SLC8A3: variants seen among roughly 807,000 people sequenced by gnomAD.
SLC8A3 encodes solute carrier family 8 member A3, also known as sodium/calcium exchanger 3.
A neutral mutation model predicts 65.4 loss-of-function variants in SLC8A3; 37 were observed. That is an observed-to-expected ratio of 0.57 (90% confidence interval 0.44 to 0.74). SLC8A3 has a LOEUF of 0.74. SLC8A3 is among the 30% of genes least tolerant of loss of function. The pLI, the probability that SLC8A3 is intolerant of heterozygous loss-of-function variation, is 0.00. For synonymous variants in SLC8A3, 461 were observed against 444.5 expected, an observed-to-expected ratio of 1.04 and a Z score of -0.47; for missense variants, 1,112 against 1,172.1, an observed-to-expected ratio of 0.95 and a Z score of 0.75.
intron 1 of SLC8A3, among the ~76,000 whole-genome samples, chr14:70,169,108 C>A (rs547376154): frequency 1.3e-5 from 2 of 152,300 alleles, no homozygotes; most frequent in Admixed American, 1.3e-4. Flanking sequence ...TTGCACTCCC[C>A]ACTCTTAATA....
chr14:70,110,038 A>AT lies in SLC8A3; in HGVS notation c.1785-49100dup, dbSNP rs538601058. ...CTACTTTTGTTCTTTTATTTTCTTA[A>AT]TTTTTTTTTTTACTTTTAATTTTTG... is the stretch of plus-strand genomic sequence containing the variant. On this transcript the variant is annotated intron_variant, in intron 2 of 6. Transcript: ENST00000356921. Among the ~76,000 whole-genome samples, 86 of 147,906 alleles carry AT rather than the reference A, an allele frequency of 5.8e-4. 1 individual carries two copies. The highest frequency in any genetic ancestry group is 5.9e-4 in the East Asian group (3 of 5,064).
At chr14:70,151,129 C>T (rs1896245431) in intron 2 of SLC8A3, among the ~76,000 whole-genome samples, 1 of 152,028 alleles carries the variant, frequency 6.6e-6, no homozygotes, top group Admixed American at 6.6e-5. Context: ...TGGCAGGTGC[C>T]TGTAATCCCA....
chr14:70,185,415 G>A (rs1883118706), intron 1 of SLC8A3, among the ~76,000 whole-genome samples: 2 of 152,242 alleles, frequency 1.3e-5, no homozygotes, highest in Non-Finnish European at 2.9e-5. Context: ...ATCAACAACT[G>A]TGCCCAGAGA....
At chr14:70,065,430 C>T (rs1594921194) in intron 2 of SLC8A3, among the ~76,000 whole-genome samples, 1 of 152,152 alleles carries the variant, frequency 6.6e-6, no homozygotes. Context: ...TGGCTGGCTA[C>T]CGTAGAAAGC....
intron 2 of SLC8A3, among the ~76,000 whole-genome samples, chr14:70,133,555 G>T (rs1024629234): frequency 1.3e-5 from 2 of 152,170 alleles, no homozygotes; most frequent in Admixed American, 1.3e-4. Context: ...TTCCGTGCAC[G>T]GACCACAGCA....
chr14:70,186,569 C>A (rs1360991549), intron 1 of SLC8A3, among the ~76,000 whole-genome samples: 1 of 152,170 alleles, frequency 6.6e-6, no homozygotes, highest in African/African-American at 2.4e-5. Flanking sequence ...CCACTTCAAC[C>A]AAGTTCAGTT....
intron 2 of SLC8A3, among the ~76,000 whole-genome samples, chr14:70,105,716 A>T (rs919261241): frequency 6.6e-6 from 1 of 152,326 alleles, no homozygotes; most frequent in Non-Finnish European, 1.5e-5. Context: ...TAAAGGTGAA[A>T]ATACTTCTTG....
intron 2 of SLC8A3, among the ~76,000 whole-genome samples, chr14:70,120,464 A>T (rs1234490018): frequency 6.6e-6 from 1 of 152,228 alleles, no homozygotes; most frequent in Non-Finnish European, 1.5e-5. Context: ...GAGGGCAAAG[A>T]GGCAGAGTCT....
intron 2 of SLC8A3, among the ~76,000 whole-genome samples, chr14:70,107,708 G>A (rs1892971372): frequency 6.6e-6 from 1 of 152,080 alleles, no homozygotes; most frequent in Non-Finnish European, 1.5e-5. Flanking sequence ...CAGAACCAAA[G>A]CTTTCCTTTC....
Position 70,054,243 on chromosome 14 carries a change from C to T in SLC8A3, c.1889-2129G>A, listed in dbSNP as rs376988259. 5.3e-5 allele frequency among the ~76,000 whole-genome samples: 8 copies of T among 151,114 alleles called. No individual in the cohort carries two copies. The East Asian group carries it at 1.2e-3, about 22-fold the overall frequency. Reference sequence around the variant, plus strand: ...TGTAGCTAGTGCTCTTCCTGCAAGGCGCCTGAGCTTGGGGGTGGGGGGGTG... The same window carrying T: ...TGTAGCTAGTGCTCTTCCTGCAAGGTGCCTGAGCTTGGGGGTGGGGGGGTG... On this transcript the variant is annotated intron_variant, in intron 3 of 6. Transcript: ENST00000356921.
chr14:70,093,224 C>T (rs527887274), intron 2 of SLC8A3, among the ~76,000 whole-genome samples: 1 of 152,286 alleles, frequency 6.6e-6, no homozygotes, highest in East Asian at 1.9e-4. Flanking sequence ...TCTTATCTAA[C>T]CAAGAATGAT....
intron 2 of SLC8A3, among the ~76,000 whole-genome samples, chr14:70,112,072 C>T (rs952310810): frequency 1.3e-5 from 2 of 152,216 alleles, no homozygotes; most frequent in Admixed American, 6.5e-5. Flanking sequence ...CAACTCAGAC[C>T]TCAAGCAGTA....
chr14:70,063,829 G>T, intron 2 of SLC8A3: 1 of 1,589,662 alleles, frequency 6.3e-7, no homozygotes, highest in Non-Finnish European at 8.6e-7. Flanking sequence ...ACACCTTTCT[G>T]AAAACTCATA....
chr14:70,159,856 C>T (rs938891783), intron 2 of SLC8A3, among the ~76,000 whole-genome samples: 1 of 152,204 alleles, frequency 6.6e-6, no homozygotes, highest in Non-Finnish European at 1.5e-5. Flanking sequence ...ATGTGATCAT[C>T]TCCAACCACA....
chr14:70,169,690 G>GT (rs1566829543), intron 1 of SLC8A3, among the ~76,000 whole-genome samples: 5 of 16,926 alleles, frequency 3.0e-4, no homozygotes, highest in East Asian at 0.011. Flanking sequence ...AAAAAAAAAA[G>GT]TGGGGGGGGG....
intron 1 of SLC8A3, among the ~76,000 whole-genome samples, chr14:70,182,905 T>C (rs1348084308): frequency 6.6e-6 from 1 of 152,184 alleles, no homozygotes; most frequent in African/African-American, 2.4e-5. Context: ...CTGGGCACTG[T>C]GCAGGAAATG....
chr14:70,069,453 G>A (rs1347233177), intron 2 of SLC8A3, among the ~76,000 whole-genome samples: 3 of 152,144 alleles, frequency 2.0e-5, no homozygotes, highest in South Asian at 2.1e-4. Context: ...TTGCTGCTCC[G>A]GGTCAGCTAA....
intron 2 of SLC8A3, among the ~76,000 whole-genome samples, chr14:70,109,488 T>A (rs1893131465): frequency 1.3e-5 from 2 of 151,772 alleles, no homozygotes; most frequent in Non-Finnish European, 2.9e-5. Context: ...AGAGTCTCAC[T>A]CTGTTTCCCA....
rs557275808 is a variant in SLC8A3 at position 70,146,557 on chromosome 14, C to T, written c.1784+20082G>A. 1.1e-4 allele frequency among the ~76,000 whole-genome samples: 16 copies of T among 152,184 alleles called. No homozygotes were observed. In the East Asian group the frequency reaches 3.1e-3, roughly 29 times the overall value. ...CATTTAAAAAAAATTAGAAAAATGA[C>T]TTGAGGAAAAAAATAACCCTGCCTG... is the stretch of plus-strand genomic sequence containing the variant. On this transcript the variant is annotated intron_variant, in intron 2 of 6. Transcript: ENST00000356921.
Sources: allele counts gnomAD v4.1 joint callset (sites outside exome capture counted in the v4.1 genomes callset), GRCh38; gene constraint gnomAD v4.1.1; transcripts MANE v1.5; gene names NCBI Gene and HGNC (gene_info 2026-07-23, HGNC 2026-07-21).